Variants in SHISA9 observed in about 807,000 individuals in gnomAD.
SHISA9 encodes the protein protein shisa-9.
Under a neutral mutation model 38.0 loss-of-function variants are expected in SHISA9, and 13 were observed. The observed-to-expected ratio is 0.34, with a 90% CI of 0.22 to 0.54. The LOEUF is 0.54. Ranked by LOEUF, SHISA9 falls within the 20% of genes least tolerant of loss-of-function variation. The probability of loss-of-function intolerance (pLI) is 0.91; values close to 1 mark genes in which losing one functional copy is unlikely to be tolerated. For missense variants in SHISA9, 538 were observed against 575.8 expected (o/e 0.93, Z 0.67); for synonymous variants, 275 against 242.0 (o/e 1.14, Z -1.27).
At chr16:12,903,335 C>G (rs2071046983) in intron 1 of SHISA9, among the ~76,000 whole-genome samples, 1 of 152,176 alleles carries the variant, frequency 6.6e-6, no homozygotes, top group Admixed American at 6.5e-5. Context: ...GCCCCTTGCC[C>G]TGGCTGGCGT....
At chr16:13,276,097 C>A in the SHISA9 span, among the ~76,000 whole-genome samples, 1 of 151,848 alleles carries the variant, frequency 6.6e-6, no homozygotes, top group Non-Finnish European at 1.5e-5. Context: ...CCCCTAAGTC[C>A]CCAAAGTCCA....
intron 4 of SHISA9, among the ~76,000 whole-genome samples, chr16:13,223,308 T>C (rs1402316249): frequency 1.3e-5 from 2 of 152,060 alleles, no homozygotes; most frequent in Non-Finnish European, 1.5e-5. Flanking sequence ...TGCATGGCTA[T>C]AGTCCTAGAT....
chr16:13,446,843 G>C, the SHISA9 span, among the ~76,000 whole-genome samples: 1 of 151,906 alleles, frequency 6.6e-6, no homozygotes, highest in African/African-American at 2.4e-5. Flanking sequence ...AGCCAGGCAC[G>C]CTGACACATG....
chr16:12,903,646 G>A (rs1375182054), intron 1 of SHISA9, among the ~76,000 whole-genome samples: 3 of 152,176 alleles, frequency 2.0e-5, no homozygotes, highest in African/African-American at 7.2e-5. Context: ...AGGTCCGGGC[G>A]GGCGGGGTGG....
At chr16:13,445,413 C>T in the SHISA9 span, among the ~76,000 whole-genome samples, 37,454 of 151,964 alleles carry the variant, frequency 0.25, 4,837 homozygotes, top group Non-Finnish European at 0.27. Flanking sequence ...ATTACTGAAG[C>T]CCAATTCCTA....
intron 2 of SHISA9, among the ~76,000 whole-genome samples, chr16:13,016,473 T>C (rs935192902): frequency 1.3e-5 from 2 of 152,170 alleles, no homozygotes; most frequent in Non-Finnish European, 2.9e-5. Context: ...AGTGGTTGGT[T>C]GTGTAATGGG....
chr16:13,254,277 G>A, the SHISA9 span, among the ~76,000 whole-genome samples: 1 of 152,206 alleles, frequency 6.6e-6, no homozygotes, highest in Non-Finnish European at 1.5e-5. Flanking sequence ...GAAATTGGCA[G>A]AACTGGGATT....
At chr16:13,114,497 A>G (rs2074011725) in intron 2 of SHISA9, among the ~76,000 whole-genome samples, 1 of 151,432 alleles carries the variant, frequency 6.6e-6, no homozygotes, top group Non-Finnish European at 1.5e-5. Context: ...AAGACGAAAA[A>G]TACGAAGAAC....
intron 1 of SHISA9, chr16:12,911,177 G>A: frequency 1.2e-6 from 1 of 863,064 alleles, no homozygotes. Context: ...GGGAGCTTGG[G>A]CACGATCTCA....
intron 2 of SHISA9, among the ~76,000 whole-genome samples, chr16:13,081,895 G>A (rs369929033): frequency 1.2e-4 from 18 of 147,480 alleles, no homozygotes; most frequent in African/African-American, 3.0e-4. Flanking sequence ...TAGATTTAGC[G>A]TGTGTGTGTG....
intron 2 of SHISA9, among the ~76,000 whole-genome samples, chr16:13,023,806 C>T (rs1161753614): frequency 6.6e-6 from 1 of 152,128 alleles, no homozygotes; most frequent in African/African-American, 2.4e-5. Context: ...CTGTTGGCTC[C>T]ATAGATGAAA....
chr16:13,086,184 T>C (rs1418113034), intron 2 of SHISA9, among the ~76,000 whole-genome samples: 1 of 151,724 alleles, frequency 6.6e-6, no homozygotes, highest in Non-Finnish European at 1.5e-5. Context: ...GATGAAACCC[T>C]GTCTCTACTA....
intron 2 of SHISA9, among the ~76,000 whole-genome samples, chr16:12,966,031 G>T (rs1409071035): frequency 6.6e-6 from 1 of 152,188 alleles, no homozygotes; most frequent in African/African-American, 2.4e-5. Flanking sequence ...GTTGTAGAAG[G>T]CTTCTTGTCT....
At chr16:13,412,882 C>G in the SHISA9 span, among the ~76,000 whole-genome samples, 1 of 151,184 alleles carries the variant, frequency 6.6e-6, no homozygotes, top group Admixed American at 6.6e-5. Context: ...AACAAATAAA[C>G]AAACAAAACA....
At chr16:13,294,323 C>T in the SHISA9 span, among the ~76,000 whole-genome samples, 11 of 152,184 alleles carry the variant, frequency 7.2e-5, no homozygotes, top group South Asian at 2.1e-4. Flanking sequence ...TTTGTTAATA[C>T]GTCTGCAAAT....
chr16:13,432,317 C>T, the SHISA9 span, among the ~76,000 whole-genome samples: 1 of 152,038 alleles, frequency 6.6e-6, no homozygotes, highest in Non-Finnish European at 1.5e-5. Flanking sequence ...GGGCAGGTGA[C>T]TATTTGCAAG....
At chr16:13,487,792 G>A in the SHISA9 span, among the ~76,000 whole-genome samples, 237 of 151,888 alleles carry the variant, frequency 1.6e-3, 2 homozygotes, top group African/African-American at 5.5e-3. Context: ...TGTTTTTTCC[G>A]GATATTTGCT....
the SHISA9 span, among the ~76,000 whole-genome samples, chr16:13,502,233 A>G: frequency 6.6e-6 from 1 of 152,226 alleles, no homozygotes; most frequent in East Asian, 1.9e-4. Flanking sequence ...ATTTGGAGAA[A>G]AAGAAAGGAA....
chr16:13,068,142 C>A (rs968185864), intron 2 of SHISA9, among the ~76,000 whole-genome samples: 2 of 152,156 alleles, frequency 1.3e-5, no homozygotes, highest in African/African-American at 2.4e-5. Context: ...CCTAGGACAA[C>A]CTTCCTGTGC....
Sources: gnomAD v4.1 joint callset for allele counts (sites outside exome capture counted in the v4.1 genomes callset) on GRCh38, gnomAD v4.1.1 for gene constraint, MANE v1.5 for transcripts, NCBI Gene and HGNC (gene_info 2026-07-23, HGNC 2026-07-21) for gene names.